Variants in LRRC9 observed in about 807,000 individuals in gnomAD.
LRRC9 encodes leucine rich repeat containing 9, also known as leucine-rich repeat-containing protein 9.
Under a neutral mutation model 63.2 loss-of-function variants are expected in LRRC9, and 122 were observed. The observed-to-expected ratio is 1.93, with a 90% CI of 1.67 to 2.24. The LOEUF (loss-of-function observed/expected upper bound fraction) is 2.24. Ranked by LOEUF, LRRC9 falls within the 30% of genes most tolerant of loss-of-function variation. LRRC9 has a pLI of 0.00. For synonymous variants in LRRC9, 366 were observed against 213.1 expected, an observed-to-expected ratio of 1.72 and a Z score of -6.25; for missense variants, 1,071 against 627.7, an observed-to-expected ratio of 1.71 and a Z score of -7.55.
intron 16 of LRRC9, among the ~76,000 whole-genome samples, chr14:59,982,966 A>G (rs557340243): frequency 2.6e-5 from 4 of 152,342 alleles, no homozygotes; most frequent in East Asian, 3.9e-4. Flanking sequence ...AAATTAATCA[A>G]TGGAAATCAG....
At chr14:59,943,644 CA>C (rs530317641) in intron 7 of LRRC9, among the ~76,000 whole-genome samples, 10 of 151,994 alleles carry the variant, frequency 6.6e-5, no homozygotes, top group Non-Finnish European at 1.5e-4. Context: ...TTATTTCTGG[CA>C]GGGGAATTTG....
At chr14:60,038,096 A>AG (rs1268704331) in intron 29 of LRRC9, among the ~76,000 whole-genome samples, 3 of 151,974 alleles carry the variant, frequency 2.0e-5, no homozygotes, top group African/African-American at 7.2e-5. Flanking sequence ...TATTGTTTCC[A>AG]GGGGCTCTAT....
chr14:60,032,203 C>T (rs1892046241), intron 29 of LRRC9, 140 bp downstream of exon 29: 2 of 559,702 alleles, frequency 3.6e-6, no homozygotes, highest in African/African-American at 1.9e-5. Context: ...TTATTGACTT[C>T]TTCCAACTAA....
intron 29 of LRRC9, among the ~76,000 whole-genome samples, chr14:60,037,247 A>G (rs1162690788): frequency 6.6e-6 from 1 of 152,142 alleles, no homozygotes; most frequent in East Asian, 1.9e-4. Flanking sequence ...TGTCTTTATA[A>G]CAGCTTGGTT....
chr14:59,959,655 T>C (rs781370934), intron 8 of LRRC9, among the ~76,000 whole-genome samples, 163 bp from the exon 9 acceptor site: 16 of 152,248 alleles, frequency 1.1e-4, no homozygotes, highest in Non-Finnish European at 2.4e-4. Flanking sequence ...ATGTTTGGCA[T>C]GTTTTTATGA....
chr14:60,032,791 T>C lies in LRRC9; in HGVS notation c.3990+728T>C, dbSNP rs75677008. On this transcript the variant is annotated intron_variant, in intron 29 of 31. Coordinates refer to ENST00000445360, the Ensembl canonical transcript of LRRC9. ...TTCCGCACAGGAGGAGAGCTTCTCT[T>C]GGAGAGCAAAACACATTCTTCCAGA... Among the ~76,000 whole-genome samples the C allele has an allele frequency of 9.5e-3, 1,450 of 152,238 alleles. 26 individuals are homozygous for C. The highest frequency in any genetic ancestry group is 0.033 in the African/African-American group (1,370 of 41,524).
chr14:59,967,911 CAG>C (rs972453079), intron 12 of LRRC9, among the ~76,000 whole-genome samples: 1 of 152,118 alleles, frequency 6.6e-6, no homozygotes, highest in Admixed American at 6.6e-5. Context: ...ATCTATTTTG[CAG>C]AGTTGTTGTT....
intron 12 of LRRC9, among the ~76,000 whole-genome samples, chr14:59,968,785 C>CT (rs1243290802): frequency 6.6e-6 from 1 of 152,192 alleles, no homozygotes; most frequent in Non-Finnish European, 1.5e-5. Context: ...GTGCTGAGTA[C>CT]TTTATCTTCT....
chr14:59,985,052 G>A (rs219341), intron 16 of LRRC9, 53 bp from the exon 17 acceptor site: 422,977 of 534,638 alleles, frequency 0.79, 172,108 homozygotes, highest in Non-Finnish European at 0.86. Context: ...ACTTCAGTTT[G>A]ATGTAGAATG....
At chr14:60,007,564 T>C (rs1462091287) in intron 22 of LRRC9, among the ~76,000 whole-genome samples, 1 of 152,204 alleles carries the variant, frequency 6.6e-6, no homozygotes, top group South Asian at 2.1e-4. Flanking sequence ...ATTCCTGTTA[T>C]ATCTATATAG....
chr14:59,927,051 G>C lies in LRRC9; in HGVS notation c.-33-860G>C, dbSNP rs970041334. 6.6e-6 allele frequency among the ~76,000 whole-genome samples: 1 copy of C among 151,970 alleles called. No homozygotes were observed. The highest frequency in any genetic ancestry group is 2.4e-5 in the African/African-American group (1 of 41,386). On this transcript the variant is annotated intron_variant, in intron 1 of 31. Transcript: ENST00000445360. This position sits in a 1 kb window ranked among gnomAD's most constrained non-coding sequence, Gnocchi z 4.4. ...TTACATTTGTATTCTGGCCACAAAG[G>C]CTTTCACCTGCATCTAAGGAAACTC...
In LRRC9 at chr14:59,938,856, A is replaced by ATAAT. The variant is rs35677066; in HGVS notation, c.726+286_726+287insATTA. Among the ~76,000 whole-genome samples the ATAAT allele has an allele frequency of 0.41, 61,692 of 148,742 alleles. 13,397 individuals are homozygous for ATAAT. The highest frequency in any genetic ancestry group is 0.64 in the East Asian group (3,233 of 5,086). On this transcript the variant is annotated intron_variant, in intron 7 of 31. Coordinates refer to ENST00000445360, the Ensembl canonical transcript of LRRC9. The surrounding 1 kb of genome is among the most constrained non-coding windows in gnomAD (Gnocchi z 4.2). ...AATTGAAAAAAAATCAGTGTTAAAA[A>ATAAT]TAGACTAGTGCCATATATATATACA...
intron 22 of LRRC9, 102 bp downstream of exon 22, chr14:60,006,719 G>A (rs962915115): frequency 5.8e-6 from 3 of 521,016 alleles, no homozygotes; most frequent in Admixed American, 3.8e-5. Context: ...AAAATATAAA[G>A]AAAATAAAAA....
intron 29 of LRRC9, among the ~76,000 whole-genome samples, chr14:60,040,042 A>G (rs1892808980): frequency 6.6e-6 from 1 of 151,952 alleles, no homozygotes; most frequent in African/African-American, 2.4e-5. Flanking sequence ...ATTCAGGAGC[A>G]GGTTGTTCAG....
Position 59,960,978 on chromosome 14 carries a change from C to T in LRRC9, c.1144C>T (p.Leu382Phe), listed in dbSNP as rs112619867. The T allele has an allele frequency of 4.6e-5, 32 of 696,952 alleles. 1 individual carries two copies. The highest frequency in any genetic ancestry group is 4.6e-4 in the African/African-American group (26 of 57,122). 43.2% of individuals were successfully genotyped at this position (696,952 alleles called of 1,614,324 possible). A position where few individuals can be genotyped will look rare whatever the true frequency, so the allele number is the denominator to read the frequency against. ...GAAAAGTCATGGCTTATTGATCCCA[C>T]TTTTGTTAATTGAGTTAGAGACTGT... The change falls in exon 10 of 32, where the codon CTT (leucine) becomes TTT (phenylalanine). Residue 382 changes from leucine (L) to phenylalanine (F), a missense_variant. Leu to Phe is a conservative substitution (Grantham distance 22, BLOSUM62 0). Transcript: ENST00000445360.
In LRRC9 at chr14:59,936,294, A is replaced by T. The variant is rs1890133595; in HGVS notation, c.544-2096A>T. 6.6e-6 allele frequency among the ~76,000 whole-genome samples: 1 copy of T among 152,212 alleles called. No homozygotes were observed. Among genetic ancestry groups the T allele is most frequent in the African/African-American group, 2.4e-5 (1 of 41,458 alleles). On this transcript the variant is annotated intron_variant, in intron 6 of 31. Coordinates refer to ENST00000445360, the Ensembl canonical transcript of LRRC9. This position sits in a 1 kb window ranked among gnomAD's most constrained non-coding sequence, Gnocchi z 4.2. ...TTATGGCATTATGACTATCATAAAA[A>T]CATTGAACGTGATTCACAGGAAGTT... is the stretch of plus-strand genomic sequence containing the variant.
At chr14:60,062,162 C>G in intron 31 of LRRC9, 1 of 398,634 alleles carries the variant, frequency 2.5e-6, no homozygotes, top group East Asian at 3.6e-5. Context: ...TATACCAGAG[C>G]AACCAAGATA....
chr14:59,947,008 T>C (rs1468606279), intron 8 of LRRC9, among the ~76,000 whole-genome samples: 3 of 147,952 alleles, frequency 2.0e-5, no homozygotes, highest in African/African-American at 7.5e-5. Flanking sequence ...TTATAGTCCT[T>C]TGGGTATATA....
At chr14:60,014,961 C>T (rs955687860) in intron 23 of LRRC9, among the ~76,000 whole-genome samples, 1 of 151,982 alleles carries the variant, frequency 6.6e-6, no homozygotes, top group Admixed American at 6.6e-5. Context: ...AAGTGAGGCT[C>T]ATTTATTTAT....
Sources: gnomAD v4.1 joint callset for allele counts (sites outside exome capture counted in the v4.1 genomes callset) on GRCh38, gnomAD v4.1.1 for gene constraint, Gnocchi (gnomAD v3.1) non-coding constraint, MANE v1.5 for transcripts, NCBI Gene and HGNC (gene_info 2026-07-23, HGNC 2026-07-21) for gene names.